Variants in CACNB2 observed in about 807,000 individuals in gnomAD.
The protein encoded by CACNB2 is calcium voltage-gated channel auxiliary subunit beta 2, also known as voltage-dependent L-type calcium channel subunit beta-2.
In CACNB2, 42 loss-of-function variants were observed where a neutral mutation model predicts 73.3. That is an observed-to-expected ratio of 0.57 (90% CI 0.45 to 0.74). The LOEUF (loss-of-function observed/expected upper bound fraction) is 0.74, where lower values mean the gene tolerates loss of function less well. Ranked by LOEUF, CACNB2 falls within the 30% of genes least tolerant of loss-of-function variation. CACNB2 has a pLI of 0.00. For synonymous variants in CACNB2, 348 were observed against 310.3 expected, an observed-to-expected ratio of 1.12 and a Z score of -1.28; for missense variants, 940 against 853.0, an observed-to-expected ratio of 1.10 and a Z score of -1.27.
At chr10:18,508,138 T>C (rs1170828454) in intron 6 of CACNB2, among the ~76,000 whole-genome samples, 1 of 151,726 alleles carries the variant, frequency 6.6e-6, no homozygotes, top group African/African-American at 2.4e-5. Flanking sequence ...TCTGTTTATA[T>C]AGAATTCCAA....
intron 2 of CACNB2, among the ~76,000 whole-genome samples, chr10:18,384,102 A>T (rs754207231): frequency 5.2e-4 from 79 of 152,176 alleles, no homozygotes; most frequent in Non-Finnish European, 8.7e-4. Flanking sequence ...AAGCAAGGTT[A>T]TCAGGGCCAA....
chr10:18,200,996 G>A (rs1465836523), intron 2 of CACNB2, among the ~76,000 whole-genome samples: 1 of 152,146 alleles, frequency 6.6e-6, no homozygotes, highest in Non-Finnish European at 1.5e-5. Flanking sequence ...GGTTTCAATA[G>A]TATAATAGGG....
chr10:18,539,162 C>T (rs1225571137), intron 13 of CACNB2, 68 bp from the exon 14 acceptor site: 3 of 1,602,950 alleles, frequency 1.9e-6, no homozygotes, highest in Admixed American at 3.3e-5. Flanking sequence ...CTTGAATGCA[C>T]TTGCTCTGGG....
At chr10:18,276,844 G>A (rs1282927139) in intron 2 of CACNB2, among the ~76,000 whole-genome samples, 8 of 152,194 alleles carry the variant, frequency 5.3e-5, no homozygotes, top group South Asian at 4.1e-4. Flanking sequence ...CTCCCAAAGC[G>A]CTAGGATTAA....
intron 2 of CACNB2, among the ~76,000 whole-genome samples, chr10:18,251,132 C>G (rs1445033534): frequency 6.6e-6 from 1 of 152,178 alleles, no homozygotes; most frequent in African/African-American, 2.4e-5. Context: ...AGAATTCATT[C>G]AGTGTCTAAA....
intron 2 of CACNB2, among the ~76,000 whole-genome samples, chr10:18,340,164 C>A (rs1020899529): frequency 1.3e-5 from 2 of 152,022 alleles, no homozygotes; most frequent in African/African-American, 4.8e-5. Flanking sequence ...GATAGTAATA[C>A]CTATATATAT....
At chr10:18,410,064 C>A (rs936966504) in intron 3 of CACNB2, among the ~76,000 whole-genome samples, 1 of 152,100 alleles carries the variant, frequency 6.6e-6, no homozygotes, top group African/African-American at 2.4e-5. Context: ...CATACTTCAT[C>A]CTTCAGAGGT....
chr10:18,422,533 A>G (rs187155748), intron 3 of CACNB2, among the ~76,000 whole-genome samples: 1 of 152,252 alleles, frequency 6.6e-6, no homozygotes, highest in East Asian at 1.9e-4. Flanking sequence ...GCTCTTTCTC[A>G]TCAACTTTCC....
intron 2 of CACNB2, among the ~76,000 whole-genome samples, chr10:18,301,792 G>T (rs2039524159): frequency 6.6e-6 from 1 of 151,872 alleles, no homozygotes; most frequent in Non-Finnish European, 1.5e-5. Context: ...GGGATTACAG[G>T]CATCTGCCAC....
chr10:18,175,201 G>C (rs1325354624), intron 2 of CACNB2, among the ~76,000 whole-genome samples: 4 of 152,176 alleles, frequency 2.6e-5, no homozygotes, highest in Non-Finnish European at 5.9e-5. Context: ...AACTTGCAGT[G>C]TTGTTTGAAA....
At chr10:18,268,794 T>C (rs1774019752) in intron 2 of CACNB2, among the ~76,000 whole-genome samples, 4 of 152,228 alleles carry the variant, frequency 2.6e-5, no homozygotes, top group Admixed American at 2.6e-4. Context: ...AATTTAAATA[T>C]GTTATCTCCT....
intron 5 of CACNB2, among the ~76,000 whole-genome samples, chr10:18,504,646 T>A (rs1290711110): frequency 1.3e-5 from 2 of 151,310 alleles, no homozygotes; most frequent in African/African-American, 4.8e-5. Context: ...CTTTTGTGTG[T>A]GTGTGTGCGT....
At chr10:18,534,277 T>C in intron 11 of CACNB2, 50 bp downstream of exon 11, 3 of 1,454,478 alleles carry the variant, frequency 2.1e-6, no homozygotes, top group Non-Finnish European at 2.9e-6. Flanking sequence ...TCCTAAAATG[T>C]ATTTTATGTT....
intron 9 of CACNB2, among the ~76,000 whole-genome samples, chr10:18,526,114 ACTTT>A (rs2052446281): frequency 6.6e-6 from 1 of 152,220 alleles, no homozygotes; most frequent in Admixed American, 6.5e-5. Context: ...GAGCTTGTCA[ACTTT>A]GTGTTTCTGT....
intron 3 of CACNB2, among the ~76,000 whole-genome samples, chr10:18,491,819 TAAAAAAAAAAAAAAAA>T (rs68179779): frequency 1.1e-4 from 7 of 65,594 alleles, no homozygotes; most frequent in Admixed American, 1.9e-4. Context: ...TCAAGTTGGT[TAAAAAAAAAAAAAAAA>T]AAAAAAAAAA....
At chr10:18,385,231 C>T (rs913173682) in intron 2 of CACNB2, among the ~76,000 whole-genome samples, 28 of 151,054 alleles carry the variant, frequency 1.9e-4, no homozygotes, top group South Asian at 6.3e-4. Flanking sequence ...TGCAGTGAGC[C>T]GAGATTATGC....
intron 2 of CACNB2, among the ~76,000 whole-genome samples, chr10:18,181,043 A>T (rs566087880): frequency 1.4e-4 from 20 of 147,672 alleles, no homozygotes; most frequent in African/African-American, 3.8e-4. Flanking sequence ...AAGGATTTAC[A>T]TTGAGGCTTT....
chr10:18,219,101 G>A (rs1213841394), intron 2 of CACNB2, among the ~76,000 whole-genome samples: 1 of 152,118 alleles, frequency 6.6e-6, no homozygotes. Flanking sequence ...GGAGGTCGAG[G>A]CTCCAGTGAA....
At chr10:18,313,334 T>C (rs559833103) in intron 2 of CACNB2, among the ~76,000 whole-genome samples, 242 of 148,826 alleles carry the variant, frequency 1.6e-3, no homozygotes, top group Non-Finnish European at 1.6e-3. Flanking sequence ...GTCGCGTGCA[T>C]GGTAGGATGG....
Sources: gnomAD v4.1 joint callset for allele counts (sites outside exome capture counted in the v4.1 genomes callset) on GRCh38, gnomAD v4.1.1 for gene constraint, MANE v1.5 for transcripts, NCBI Gene and HGNC (gene_info 2026-07-23, HGNC 2026-07-21) for gene names.